MAPKAP1: variants seen among roughly 807,000 people sequenced by gnomAD.
MAPKAP1 encodes target of rapamycin complex 2 subunit MAPKAP1.
Under a neutral mutation model 65.7 loss-of-function variants are expected in MAPKAP1, and 20 were observed. The observed-to-expected ratio is 0.30, with a 90% CI of 0.21 to 0.44. MAPKAP1 has a LOEUF of 0.44. Among genes scored for constraint, MAPKAP1 ranks in the 20% least tolerant of loss-of-function variants. The pLI is 1.00. For missense variants in MAPKAP1, 423 were observed against 648.0 expected, an observed-to-expected ratio of 0.65 and a Z score of 3.77; for synonymous variants, 222 against 244.3, an observed-to-expected ratio of 0.91 and a Z score of 0.85.
At chr9:125,484,987 C>A (rs1854448913) in intron 8 of MAPKAP1, among the ~76,000 whole-genome samples, 1 of 152,120 alleles carries the variant, frequency 6.6e-6, no homozygotes, top group Non-Finnish European at 1.5e-5. Flanking sequence ...AATCTCTGTC[C>A]TTTCCAAGAT....
chr9:125,536,874 G>A (rs1830089103), intron 7 of MAPKAP1, among the ~76,000 whole-genome samples: 2 of 152,148 alleles, frequency 1.3e-5, no homozygotes, highest in African/African-American at 4.8e-5. Flanking sequence ...GGCAGCTTAG[G>A]ACAGGTGTAT....
intron 5 of MAPKAP1, among the ~76,000 whole-genome samples, chr9:125,584,089 GACA>G (rs1831708342): frequency 6.6e-6 from 1 of 151,864 alleles, no homozygotes; most frequent in Admixed American, 6.6e-5. Flanking sequence ...AATTACTTCA[GACA>G]ACATCGATAA....
intron 9 of MAPKAP1, among the ~76,000 whole-genome samples, chr9:125,476,423 T>G (rs1013554933): frequency 1.3e-5 from 2 of 152,146 alleles, no homozygotes; most frequent in Admixed American, 6.5e-5. Flanking sequence ...TGTCTTGGAA[T>G]GGAGAGGGGC....
At chr9:125,626,666 C>T (rs1833128220) in intron 4 of MAPKAP1, among the ~76,000 whole-genome samples, 1 of 152,168 alleles carries the variant, frequency 6.6e-6, no homozygotes, top group Non-Finnish European at 1.5e-5. Flanking sequence ...GAGTGCTGGT[C>T]CAGACTCAGT....
At chr9:125,693,510 T>TAC (rs201539307) in intron 1 of MAPKAP1, among the ~76,000 whole-genome samples, 2 of 139,346 alleles carry the variant, frequency 1.4e-5, no homozygotes, top group African/African-American at 2.9e-5. Flanking sequence ...TATATACACA[T>TAC]ACACACACAT....
chr9:125,659,481 A>G (rs1448690396), intron 3 of MAPKAP1, among the ~76,000 whole-genome samples: 1 of 152,056 alleles, frequency 6.6e-6, no homozygotes, highest in East Asian at 1.9e-4. Flanking sequence ...GAATAGAAAC[A>G]ACCAAAGAGA....
intron 1 of MAPKAP1, among the ~76,000 whole-genome samples, chr9:125,704,941 G>A (rs1055427442): frequency 7.2e-5 from 11 of 152,146 alleles, no homozygotes; most frequent in African/African-American, 2.4e-4. Flanking sequence ...AGTGATGCTT[G>A]GAGTTATGTG....
At chr9:125,603,620 TAGTC>T (rs368765293) in intron 4 of MAPKAP1, among the ~76,000 whole-genome samples, 9 of 152,358 alleles carry the variant, frequency 5.9e-5, no homozygotes, top group African/African-American at 2.2e-4. Context: ...TCTTGAGTCT[TAGTC>T]AGTCCAACCT....
At chr9:125,582,373 T>C (rs964480924) in intron 5 of MAPKAP1, among the ~76,000 whole-genome samples, 7 of 152,224 alleles carry the variant, frequency 4.6e-5, no homozygotes, top group Non-Finnish European at 1.5e-5. Flanking sequence ...CTGATTATTG[T>C]CTGTGTTTCT....
chr9:125,547,998 T>C (rs1830478418), intron 6 of MAPKAP1, among the ~76,000 whole-genome samples: 1 of 152,206 alleles, frequency 6.6e-6, no homozygotes, highest in African/African-American at 2.4e-5. Context: ...GTCCACTGTT[T>C]AACAATTATA....
At chr9:125,613,603 CCACA>C (rs923004758) in intron 4 of MAPKAP1, among the ~76,000 whole-genome samples, 1 of 152,112 alleles carries the variant, frequency 6.6e-6, no homozygotes, top group African/African-American at 2.4e-5. Flanking sequence ...CCTCCCTTTT[CCACA>C]CAGATGCTAA....
intron 5 of MAPKAP1, among the ~76,000 whole-genome samples, chr9:125,582,639 T>G (rs1043811655): frequency 2.0e-5 from 3 of 152,160 alleles, no homozygotes; most frequent in South Asian, 2.1e-4. Context: ...GCTCTCTCTA[T>G]TCCTTGGCAC....
intron 6 of MAPKAP1, among the ~76,000 whole-genome samples, chr9:125,557,385 C>T (rs890059780): frequency 2.0e-5 from 3 of 152,016 alleles, no homozygotes; most frequent in Admixed American, 6.6e-5. Flanking sequence ...TAAAAACTAT[C>T]GAAATGCCAC....
intron 4 of MAPKAP1, among the ~76,000 whole-genome samples, chr9:125,600,120 T>C (rs1832258442): frequency 6.6e-6 from 1 of 151,716 alleles, no homozygotes. Flanking sequence ...TAGCCTCAAA[T>C]AATTCTTTTA....
intron 6 of MAPKAP1, among the ~76,000 whole-genome samples, chr9:125,551,371 C>A (rs763935315): frequency 6.6e-6 from 1 of 152,118 alleles, no homozygotes; most frequent in South Asian, 2.1e-4. Flanking sequence ...ACCTAGGGCA[C>A]GCCTCTTTAA....
At chr9:125,657,095 TCAAA>T (rs1276183329) in intron 4 of MAPKAP1, among the ~76,000 whole-genome samples, 3 of 152,104 alleles carry the variant, frequency 2.0e-5, no homozygotes, top group African/African-American at 4.8e-5. Context: ...GTTATAATAA[TCAAA>T]CAATTTCTAC....
At chr9:125,659,387 C>A (rs548711249) in intron 3 of MAPKAP1, among the ~76,000 whole-genome samples, 2 of 152,132 alleles carry the variant, frequency 1.3e-5, no homozygotes, top group African/African-American at 2.4e-5. Context: ...TATGATTAAC[C>A]CTTTCATTCT....
chr9:125,673,217 TTTG>T (rs1172079002), intron 1 of MAPKAP1, among the ~76,000 whole-genome samples: 3 of 152,084 alleles, frequency 2.0e-5, no homozygotes, highest in African/African-American at 4.8e-5. Context: ...GTATTGTGTT[TTTG>T]TTGTTGTTGT....
chr9:125,570,065 C>G (rs1831181078), intron 5 of MAPKAP1, among the ~76,000 whole-genome samples: 1 of 152,098 alleles, frequency 6.6e-6, no homozygotes, highest in South Asian at 2.1e-4. Context: ...TTTAATTTAC[C>G]TACCTTAAAG....
Sources: allele counts gnomAD v4.1 joint callset (sites outside exome capture counted in the v4.1 genomes callset), GRCh38; gene constraint gnomAD v4.1.1; transcripts MANE v1.5; gene names NCBI Gene and HGNC (gene_info 2026-07-23, HGNC 2026-07-21).